Variants in DLGAP1 observed in about 807,000 individuals in gnomAD.
DLGAP1 encodes the protein disks large-associated protein 1.
A neutral mutation model predicts 90.8 loss-of-function variants in DLGAP1; 11 were observed. The observed-to-expected ratio is 0.12, with a 90% CI of 0.08 to 0.20. The LOEUF (loss-of-function observed/expected upper bound fraction) is 0.20, where lower values mean the gene tolerates loss of function less well. Ranked by LOEUF, DLGAP1 falls within the 10% of genes least tolerant of loss-of-function variation. DLGAP1 has a pLI of 1.00. For synonymous variants in DLGAP1, 558 were observed against 540.7 expected (o/e 1.03, Z -0.44); for missense variants, 1,050 against 1,333.8 (o/e 0.79, Z 3.31).
chr18:3,538,000 A>T (rs1426421961), intron 9 of DLGAP1, among the ~76,000 whole-genome samples: 1 of 152,220 alleles, frequency 6.6e-6, no homozygotes, highest in African/African-American at 2.4e-5. Flanking sequence ...GATTTTAAAA[A>T]ACTATCCTGG....
intron 1 of DLGAP1, among the ~76,000 whole-genome samples, chr18:4,220,045 C>T (rs1237837697): frequency 6.6e-6 from 1 of 152,086 alleles, no homozygotes; most frequent in African/African-American, 2.4e-5. Flanking sequence ...ATAGGGATTG[C>T]ACTGAATCTG....
At chr18:4,148,575 C>G (rs1194422810) in intron 2 of DLGAP1, among the ~76,000 whole-genome samples, 1 of 152,042 alleles carries the variant, frequency 6.6e-6, no homozygotes, top group Admixed American at 6.6e-5. Flanking sequence ...GAACTGGGGC[C>G]CTTCACTCAG....
intron 2 of DLGAP1, among the ~76,000 whole-genome samples, chr18:4,048,266 A>G (rs2075084808): frequency 6.6e-6 from 1 of 152,254 alleles, no homozygotes; most frequent in African/African-American, 2.4e-5. Context: ...GTGTTTTTGA[A>G]GAAATGTAAT....
chr18:3,752,047 C>T (rs141956906), intron 5 of DLGAP1, among the ~76,000 whole-genome samples: 2,921 of 148,698 alleles, frequency 0.02, 49 homozygotes, highest in Middle Eastern at 0.089. Context: ...CCACACCCAG[C>T]TAATTTTTGT....
chr18:4,003,188 T>G (rs563673231), intron 3 of DLGAP1, among the ~76,000 whole-genome samples: 3 of 152,190 alleles, frequency 2.0e-5, no homozygotes, highest in Non-Finnish European at 4.4e-5. Context: ...AATAGTTTGA[T>G]AAAAGCTTCC....
chr18:3,551,568 A>G (rs1241516004), intron 9 of DLGAP1, among the ~76,000 whole-genome samples: 1 of 151,696 alleles, frequency 6.6e-6, no homozygotes, highest in Non-Finnish European at 1.5e-5. Flanking sequence ...TATTATTTCT[A>G]TGAACACTTT....
intron 7 of DLGAP1, among the ~76,000 whole-genome samples, chr18:3,628,263 C>G (rs147796340): frequency 6.7e-6 from 1 of 149,250 alleles, no homozygotes; most frequent in Non-Finnish European, 1.5e-5. Context: ...GATCTTGGCT[C>G]GCTGTAACCT....
chr18:3,741,194 C>CAT (rs1224176101), intron 6 of DLGAP1, among the ~76,000 whole-genome samples: 3 of 120,638 alleles, frequency 2.5e-5, no homozygotes, highest in Admixed American at 1.7e-4. Context: ...ACCACCACCA[C>CAT]CACCAAATCA....
intron 1 of DLGAP1, among the ~76,000 whole-genome samples, chr18:4,428,399 C>T (rs192668105): frequency 6.6e-5 from 10 of 152,174 alleles, no homozygotes; most frequent in East Asian, 1.9e-4. Flanking sequence ...ATGGCCTACA[C>T]GGCAAAACCC....
At chr18:3,605,969 C>T (rs1334683209) in intron 7 of DLGAP1, among the ~76,000 whole-genome samples, 1 of 152,016 alleles carries the variant, frequency 6.6e-6, no homozygotes, top group Non-Finnish European at 1.5e-5. Flanking sequence ...ACACTAAAAT[C>T]AACAACAACC....
chr18:4,399,754 G>T (rs1464093315), intron 1 of DLGAP1, among the ~76,000 whole-genome samples: 1 of 152,174 alleles, frequency 6.6e-6, no homozygotes, highest in African/African-American at 2.4e-5. Context: ...CATAGAGAGA[G>T]ACATCTATTG....
chr18:4,382,898 T>C (rs1415830931), intron 1 of DLGAP1, among the ~76,000 whole-genome samples: 2 of 152,148 alleles, frequency 1.3e-5, no homozygotes, highest in African/African-American at 4.8e-5. Flanking sequence ...TTCAGCAACA[T>C]AGGTTAAATG....
At chr18:4,348,400 A>ATGTGTGTGTG (rs71160958) in intron 1 of DLGAP1, among the ~76,000 whole-genome samples, 3,260 of 133,408 alleles carry the variant, frequency 0.024, 63 homozygotes, top group East Asian at 0.032. Context: ...GAACTCAGGA[A>ATGTGTGTGTG]TGTGTGTGTG....
At chr18:3,572,069 GTTTTT>G (rs67491547) in intron 8 of DLGAP1, among the ~76,000 whole-genome samples, 6 of 105,610 alleles carry the variant, frequency 5.7e-5, no homozygotes, top group South Asian at 3.1e-4. Context: ...TTTCTTCTAG[GTTTTT>G]TTTTTTTTTT....
intron 2 of DLGAP1, among the ~76,000 whole-genome samples, chr18:4,006,423 C>CT (rs1176415072): frequency 6.6e-6 from 1 of 152,138 alleles, no homozygotes; most frequent in African/African-American, 2.4e-5. Context: ...CTCTCTTTTC[C>CT]TTGTCCCCAA....
intron 3 of DLGAP1, among the ~76,000 whole-genome samples, chr18:3,988,794 T>C (rs1209508137): frequency 1.3e-5 from 2 of 152,174 alleles, no homozygotes; most frequent in African/African-American, 2.4e-5. Flanking sequence ...GACCCCTAGC[T>C]TATAATGTTT....
At chr18:4,409,366 G>A (rs2082729158) in intron 1 of DLGAP1, among the ~76,000 whole-genome samples, 1 of 152,128 alleles carries the variant, frequency 6.6e-6, no homozygotes, top group African/African-American at 2.4e-5. Context: ...AAGGCAGTAA[G>A]CAGTAATATG....
chr18:3,937,847 T>G (rs1008468410), intron 3 of DLGAP1, among the ~76,000 whole-genome samples: 7 of 152,190 alleles, frequency 4.6e-5, no homozygotes, highest in Non-Finnish European at 5.9e-5. Flanking sequence ...GCAGACTGCG[T>G]TCATTCCAAT....
chr18:3,669,848 A>C (rs1459040035), intron 7 of DLGAP1, among the ~76,000 whole-genome samples: 1 of 152,198 alleles, frequency 6.6e-6, no homozygotes, highest in Non-Finnish European at 1.5e-5. Flanking sequence ...TAAGTGAACT[A>C]ACACAAGCTG....
Sources: gnomAD v4.1 joint callset for allele counts (sites outside exome capture counted in the v4.1 genomes callset) on GRCh38, gnomAD v4.1.1 for gene constraint, MANE v1.5 for transcripts, NCBI Gene and HGNC (gene_info 2026-07-23, HGNC 2026-07-21) for gene names.